ANO4: variants seen among roughly 807,000 people sequenced by gnomAD.
ANO4 encodes the protein anoctamin 4, also known as anoctamin-4.
ANO4 carries 69 observed loss-of-function variants against 141.9 expected under a neutral mutation model. The ratio of observed to expected loss-of-function variants is 0.49; its 90% CI spans 0.40 to 0.59. The LOEUF is 0.59. ANO4 is among the 20% of genes least tolerant of loss of function. The probability of loss-of-function intolerance (pLI) is 0.00; values close to 1 mark genes in which losing one functional copy is unlikely to be tolerated. For synonymous variants in ANO4, 350 were observed against 394.3 expected (o/e 0.89, Z 1.33); for missense variants, 894 against 1,162.2 (o/e 0.77, Z 3.36).
chr12:101,062,480 C>G (rs953209609), intron 14 of ANO4, among the ~76,000 whole-genome samples: 1 of 152,140 alleles, frequency 6.6e-6, no homozygotes, highest in Non-Finnish European at 1.5e-5. Flanking sequence ...GAAGCTGCCC[C>G]GACAGCCACT....
chr12:101,069,006 C>T lies in ANO4; in HGVS notation c.1313-10187C>T. On this transcript the variant is annotated intron_variant, in intron 14 of 27. Coordinates refer to ENST00000392977, the MANE Select transcript of ANO4 (RefSeq NM_001286615.2). Reference sequence around the variant, plus strand: ...AATCAAACAAAGCTCTGGATAAGGCCCAGTTTAAAGAGCAAAGATGTCAAG... The same window carrying T: ...AATCAAACAAAGCTCTGGATAAGGCTCAGTTTAAAGAGCAAAGATGTCAAG... The T allele has an allele frequency of 3.8e-6, 3 of 791,722 alleles. No individual in the cohort carries two copies. The Admixed American group carries it at 5.2e-5, about 14-fold the overall frequency. The allele number at this position is 791,722 out of a possible 1,614,324, so 49.0% of individuals were successfully genotyped here.
chr12:100,804,365 G>C (rs1354397622), intron 1 of ANO4, among the ~76,000 whole-genome samples: 4 of 152,150 alleles, frequency 2.6e-5, no homozygotes, highest in Non-Finnish European at 5.9e-5. Context: ...TGGGCATTTA[G>C]GTTGGTTCCA....
At chr12:100,926,887 G>A (rs749837281) in intron 3 of ANO4, among the ~76,000 whole-genome samples, 1 of 152,074 alleles carries the variant, frequency 6.6e-6, no homozygotes, top group Non-Finnish European at 1.5e-5. Flanking sequence ...GAATGGCTAT[G>A]TTGCATGCCT....
At chr12:101,056,087 T>C (rs967958664) in intron 14 of ANO4, among the ~76,000 whole-genome samples, 6 of 152,164 alleles carry the variant, frequency 3.9e-5, no homozygotes, top group Non-Finnish European at 8.8e-5. Flanking sequence ...AATCATATTT[T>C]TCTTTTCAAA....
chr12:100,747,272 G>A (rs1432420548), intron 3 of ANO4, among the ~76,000 whole-genome samples: 1 of 152,064 alleles, frequency 6.6e-6, no homozygotes, highest in African/African-American at 2.4e-5. Context: ...ATTTTAGCAA[G>A]GGCCTTTTGC....
intron 14 of ANO4, among the ~76,000 whole-genome samples, chr12:101,064,663 T>TATAATTATA (rs1555292328): frequency 1.8e-4 from 23 of 130,190 alleles, no homozygotes; most frequent in South Asian, 1.2e-3. Flanking sequence ...CTTAAAGTAT[T>TATAATTATA]ATAATAATAA....
At chr12:100,919,736 G>GTCTATCTATC (rs2041535474) in intron 2 of ANO4, among the ~76,000 whole-genome samples, 130 of 133,102 alleles carry the variant, frequency 9.8e-4, no homozygotes, top group Non-Finnish European at 1.6e-3. Flanking sequence ...GTGTATGTAT[G>GTCTATCTATC]TATCTATCTA....
In ANO4 at chr12:100,901,836, C is replaced by T; in HGVS notation, c.51C>T (p.His17=). The T allele has an allele frequency of 6.2e-7, 1 of 1,605,468 alleles. No individual in the cohort carries two copies. The highest frequency in any genetic ancestry group is 8.5e-7 in the Non-Finnish European group (1 of 1,176,118). ...GITNGKTKVF[H]PEGGVDLQGY... ...CTAATGGAAAAACCAAAGTCTTCCA[C>T]CCAGGTGATGCATGGGGAAGTTCAA... Residue 17 remains histidine (H), a synonymous_variant, in exon 2 of 28, where the codon CAC becomes CAT. Coordinates refer to ENST00000392977, the MANE Select transcript of ANO4 (RefSeq NM_001286615.2).
chr12:101,070,305 GCATAAAAAAA>G (rs2048758797), intron 14 of ANO4, among the ~76,000 whole-genome samples: 1 of 152,132 alleles, frequency 6.6e-6, no homozygotes, highest in Admixed American at 6.5e-5. Context: ...CCAAGTACTA[GCATAAAAAAA>G]CAGACATATA....
intron 1 of ANO4, among the ~76,000 whole-genome samples, chr12:100,901,444 G>T (rs934580918): frequency 3.3e-5 from 5 of 152,184 alleles, no homozygotes; most frequent in African/African-American, 4.8e-5. Context: ...ATTTTTATAA[G>T]AATTTTCAGA....
At chr12:100,932,382 T>G (rs2042117914) in intron 3 of ANO4, among the ~76,000 whole-genome samples, 1 of 152,060 alleles carries the variant, frequency 6.6e-6, no homozygotes, top group Non-Finnish European at 1.5e-5. Context: ...TTCATTGCCT[T>G]TATAGCATTG....
At position 100,868,755 on chromosome 12, in the gene ANO4, C is replaced by G. The variant is rs191564235; in HGVS notation, c.-140-32891C>G. Among the ~76,000 whole-genome samples the G allele has an allele frequency of 2.6e-3, 400 of 152,284 alleles. 3 individuals carry two copies. The highest frequency in any genetic ancestry group is 0.018 in the East Asian group (95 of 5,178). On this transcript the variant is annotated intron_variant, in intron 1 of 27. Coordinates refer to ENST00000392977, the MANE Select transcript of ANO4 (RefSeq NM_001286615.2). ...TCATCCTAGGTCCACTTCACCACTC[C>G]CATTTCTGAGACTTCAGATTTCTTC...
chr12:100,767,849 A>G (rs1212144493), intron 3 of ANO4, among the ~76,000 whole-genome samples: 1 of 152,208 alleles, frequency 6.6e-6, no homozygotes, highest in Non-Finnish European at 1.5e-5. Context: ...ACGTACAAAA[A>G]CTTTACACTT....
chr12:101,109,273 A>G (rs950979268), intron 22 of ANO4, among the ~76,000 whole-genome samples: 1 of 152,132 alleles, frequency 6.6e-6, no homozygotes, highest in African/African-American at 2.4e-5. Context: ...GGTTAAAATT[A>G]TGTTTTCGGC....
chr12:100,901,845 T>C lies in ANO4; in HGVS notation c.55+5T>C, dbSNP rs2040607474. 6.3e-7 allele frequency: 1 copy of C among 1,597,164 alleles called. No homozygotes were observed. The highest frequency in any genetic ancestry group is 8.5e-7 in the Non-Finnish European group (1 of 1,171,964). On this transcript the variant is annotated splice_donor_5th_base_variant and intron_variant, in intron 2 of 27. Coordinates refer to ENST00000392977, the MANE Select transcript of ANO4 (RefSeq NM_001286615.2). ...AAACCAAAGTCTTCCACCCAGGTGA[T>C]GCATGGGGAAGTTCAACGGGGACCC...
intron 3 of ANO4, among the ~76,000 whole-genome samples, chr12:100,760,143 C>T (rs539019940): frequency 6.6e-6 from 1 of 152,266 alleles, no homozygotes; most frequent in African/African-American, 2.4e-5. Flanking sequence ...TTGTGTGACA[C>T]AGTCTTGATC....
chr12:100,895,664 C>T (rs1373875293), intron 1 of ANO4, among the ~76,000 whole-genome samples: 2 of 150,212 alleles, frequency 1.3e-5, no homozygotes, highest in African/African-American at 2.5e-5. Flanking sequence ...TGGGTTCAAG[C>T]GATTCTCCTG....
chr12:100,823,483 T>G (rs2036164988), intron 1 of ANO4, among the ~76,000 whole-genome samples: 1 of 152,024 alleles, frequency 6.6e-6, no homozygotes, highest in Non-Finnish European at 1.5e-5. Flanking sequence ...GCTTTGTTTT[T>G]GCATACAAGC....
intron 5 of ANO4, among the ~76,000 whole-genome samples, chr12:100,949,339 C>T (rs2042876170): frequency 6.6e-6 from 1 of 152,212 alleles, no homozygotes; most frequent in Admixed American, 6.5e-5. Context: ...GATTAAAAGT[C>T]TGGGATCACA....
Sources: gnomAD v4.1 joint callset for allele counts (sites outside exome capture counted in the v4.1 genomes callset) on GRCh38, gnomAD v4.1.1 for gene constraint, MANE v1.5 for transcripts, NCBI Gene and HGNC (gene_info 2026-07-23, HGNC 2026-07-21) for gene names.